GRB2: variants seen among roughly 807,000 people sequenced by gnomAD.
GRB2 encodes growth factor receptor bound protein 2.
GRB2 carries 2 observed loss-of-function variants against 27.4 expected under a neutral mutation model. That is an observed-to-expected ratio of 0.07 (90% confidence interval 0.03 to 0.23). GRB2 has a LOEUF of 0.23. Among genes scored for constraint, GRB2 ranks in the 10% least tolerant of loss-of-function variants. GRB2 has a pLI of 1.00. For synonymous variants in GRB2, 94 were observed against 99.6 expected (o/e 0.94, Z 0.33); for missense variants, 102 against 282.4 (o/e 0.36, Z 4.58).
At position 75,395,356 on chromosome 17, in the gene GRB2, G is replaced by A. The variant is rs4450430; in HGVS notation, c.-137-1591C>T. On this transcript the variant is annotated intron_variant, in intron 1 of 5. Coordinates refer to ENST00000316804, the MANE Select transcript of GRB2 (RefSeq NM_002086.5). ...TTCCATGTGGCGCTGGCTGTAACAG[G>A]GAAAGTAAAGAAAGAGTCCCAGCAA... is the stretch of plus-strand genomic sequence containing the variant. Among the ~76,000 whole-genome samples, 825 of 152,250 alleles carry A rather than the reference G, an allele frequency of 5.4e-3. 6 individuals carry two copies. Among genetic ancestry groups the A allele is most frequent in the Non-Finnish European group, 8.3e-3 (567 of 68,012 alleles).
intron 3 of GRB2, among the ~76,000 whole-genome samples, chr17:75,331,690 C>T (rs1395631624): frequency 2.0e-5 from 3 of 152,082 alleles, no homozygotes; most frequent in South Asian, 4.1e-4. Flanking sequence ...AATTTCTACT[C>T]GATTGTTAAA....
At chr17:75,387,544 C>T (rs2078972525) in intron 2 of GRB2, 1 of 151,952 alleles carries the variant, frequency 6.6e-6, no homozygotes, top group Admixed American at 6.6e-5. Flanking sequence ...CACCTGTAAT[C>T]CCAGCACTTT....
chr17:75,391,701 G>A (rs1472624799), intron 2 of GRB2, among the ~76,000 whole-genome samples: 12 of 151,822 alleles, frequency 7.9e-5, no homozygotes, highest in African/African-American at 1.2e-4. Context: ...CCGGCTACTC[G>A]GGAGGCTGAG....
chr17:75,373,283 C>G (rs1015055166), intron 2 of GRB2: 1 of 152,152 alleles, frequency 6.6e-6, no homozygotes, highest in Non-Finnish European at 1.5e-5. Flanking sequence ...TTTCCTTAAG[C>G]AAGAGTGAGG....
At chr17:75,323,510 T>G (rs2078474784) in intron 4 of GRB2, among the ~76,000 whole-genome samples, 1 of 152,168 alleles carries the variant, frequency 6.6e-6, no homozygotes, top group Non-Finnish European at 1.5e-5. Context: ...TGACAACTGT[T>G]GATTCTTGAA....
intron 2 of GRB2, among the ~76,000 whole-genome samples, chr17:75,364,838 C>T (rs535739637): frequency 6.6e-6 from 1 of 151,722 alleles, no homozygotes; most frequent in East Asian, 1.9e-4. Flanking sequence ...TCTATCCAAA[C>T]ATAAAAACCC....
chr17:75,404,697 G>A (rs2079087267), intron 1 of GRB2: 1 of 152,222 alleles, frequency 6.6e-6, no homozygotes, highest in South Asian at 2.1e-4. Flanking sequence ...TTTCTCTCAT[G>A]TGTCTGACAT....
chr17:75,404,424 C>T (rs571513082), intron 1 of GRB2, among the ~76,000 whole-genome samples: 1 of 150,572 alleles, frequency 6.6e-6, no homozygotes, highest in Admixed American at 6.7e-5. Context: ...AGTCTCTTCC[C>T]GAGGAAAAAG....
chr17:75,364,279 C>T (rs1475727606), intron 2 of GRB2, among the ~76,000 whole-genome samples: 1 of 152,194 alleles, frequency 6.6e-6, no homozygotes, highest in East Asian at 1.9e-4. Flanking sequence ...GGTTTTATTA[C>T]ATACCTATGT....
At chr17:75,325,770 GTGAAATGAA>G in intron 4 of GRB2, 119 bp downstream of exon 4, 1 of 967,410 alleles carries the variant, frequency 1.0e-6, no homozygotes, top group East Asian at 2.4e-5. Context: ...GGATTTTAAT[GTGAAATGAA>G]GAAACTGTTT....
chr17:75,359,312 C>A (rs905036739), intron 2 of GRB2, among the ~76,000 whole-genome samples: 1 of 151,478 alleles, frequency 6.6e-6, no homozygotes, highest in Non-Finnish European at 1.5e-5. Flanking sequence ...TCAAGACCAG[C>A]CTAGGCAACA....
chr17:75,384,459 G>A (rs1246775050), intron 2 of GRB2, among the ~76,000 whole-genome samples: 4 of 151,962 alleles, frequency 2.6e-5, no homozygotes, highest in South Asian at 2.1e-4. Flanking sequence ...GCCTGAGGTC[G>A]GGAGTTTGAG....
intron 2 of GRB2, among the ~76,000 whole-genome samples, chr17:75,351,125 G>C (rs1165199593): frequency 6.6e-6 from 1 of 152,104 alleles, no homozygotes; most frequent in East Asian, 1.9e-4. Flanking sequence ...GAGCCAGGAG[G>C]GAGCAGACAG....
rs1242159782 is a variant in GRB2 at position 75,367,040 on chromosome 17, A to C, written c.78+26511T>G. Among the ~76,000 whole-genome samples, 3 of 152,176 alleles carry C rather than the reference A, an allele frequency of 2.0e-5. No homozygotes were observed. In the East Asian group the frequency reaches 5.8e-4, roughly 29 times the overall value. ...ATTTAGATGTGGGAATTCTCACTCA[A>C]ATCTATCATTTATAGGGCCACACTA... On this transcript the variant is annotated intron_variant, in intron 2 of 5. Transcript: ENST00000316804.
chr17:75,388,865 T>A (rs1345070180), intron 2 of GRB2, among the ~76,000 whole-genome samples: 2 of 152,218 alleles, frequency 1.3e-5, no homozygotes, highest in African/African-American at 2.4e-5. Flanking sequence ...ATCTTCTCCA[T>A]TGAGGATCAT....
At position 75,320,576 on chromosome 17, in the gene GRB2, A is replaced by C; in HGVS notation, c.469-23T>G. 6.3e-7 allele frequency: 1 copy of C among 1,598,052 alleles called. No individual in the cohort carries two copies. Among genetic ancestry groups the C allele is most frequent in the Non-Finnish European group, 8.6e-7 (1 of 1,166,684 alleles). ...CTGCTGCAAAACAGGAGCAGGAAAA[A>C]CCCACATTGCATTCCTGGTCTGTGA... On this transcript the variant is annotated intron_variant, in intron 5 of 5. Transcript: ENST00000316804. The surrounding 1 kb of genome is among the most constrained non-coding windows in gnomAD (Gnocchi z 4.3).
At chr17:75,336,642 TGG>T (rs1229896078) in intron 2 of GRB2, among the ~76,000 whole-genome samples, 1 of 152,194 alleles carries the variant, frequency 6.6e-6, no homozygotes, top group Non-Finnish European at 1.5e-5. Context: ...CTTAGAACTA[TGG>T]CTGTCTACAG....
intron 2 of GRB2, among the ~76,000 whole-genome samples, chr17:75,382,349 C>A (rs1422968042): frequency 6.6e-6 from 1 of 152,030 alleles, no homozygotes; most frequent in East Asian, 1.9e-4. Context: ...AAGAAAAAAA[C>A]TTTCACTATG....
chr17:75,335,651 A>G (rs920911359), intron 2 of GRB2, among the ~76,000 whole-genome samples: 2 of 152,220 alleles, frequency 1.3e-5, no homozygotes, highest in African/African-American at 4.8e-5. Context: ...CTGGGTTTCA[A>G]TGCTTAGGAT....
Sources: gnomAD v4.1 joint callset for allele counts (sites outside exome capture counted in the v4.1 genomes callset) on GRCh38, gnomAD v4.1.1 for gene constraint, Gnocchi (gnomAD v3.1) non-coding constraint, MANE v1.5 for transcripts, NCBI Gene and HGNC (gene_info 2026-07-23, HGNC 2026-07-21) for gene names.